Variants in PAN2 observed in about 807,000 individuals in gnomAD.
The protein encoded by PAN2 is poly(A) specific ribonuclease subunit PAN2.
A neutral mutation model predicts 133.3 loss-of-function variants in PAN2; 68 were observed. The ratio of observed to expected loss-of-function variants is 0.51; its 90% CI spans 0.42 to 0.62. The LOEUF is 0.62. Ranked by LOEUF, PAN2 falls within the 20% of genes least tolerant of loss-of-function variation. PAN2 has a pLI of 0.00. For missense variants in PAN2, 1,042 were observed against 1,500.5 expected (o/e 0.69, Z 5.05); for synonymous variants, 462 against 544.6 (o/e 0.85, Z 2.11).
chr12:56,331,081 T>C (rs773574446), intron 2 of PAN2, among the ~76,000 whole-genome samples: 22 of 152,200 alleles, frequency 1.4e-4, no homozygotes, highest in Non-Finnish European at 1.8e-4. Flanking sequence ...ATTACAGGTG[T>C]GAGTCACCAT....
At chr12:56,331,092 GC>G (rs1875787110) in intron 2 of PAN2, among the ~76,000 whole-genome samples, 1 of 152,102 alleles carries the variant, frequency 6.6e-6, no homozygotes, top group Non-Finnish European at 1.5e-5. Context: ...GAGTCACCAT[GC>G]CCAGCCAGCA....
In PAN2 at chr12:56,332,845, G is replaced by A; in HGVS notation, c.250C>T (p.His84Tyr). The change falls in exon 2 of 26, where the codon CAC becomes TAC. Residue 84 changes from histidine to tyrosine, a missense_variant. Physicochemically the swap from His to Tyr is moderately conservative, Grantham distance 83. Around this residue, in one of 3 missense-constraint regions of PAN2, gnomAD observed 908 missense variants for 1,223.5 expected, o/e 0.74. Transcript: ENST00000440411. Reference protein sequence around the residue: ...VPVSVSHFDLHEEMLWVGSHG... With the variant: ...VPVSVSHFDLYEEMLWVGSHG... ...CTCCCCACCCACAGCATCTCCTCGT[G>A]CAAGTCAAAGTGGGAGACGGAAACA... 1 of 1,614,152 alleles carries A rather than the reference G, an allele frequency of 6.2e-7. No homozygotes were observed. The highest frequency in any genetic ancestry group is 1.7e-5 in the Admixed American group (1 of 60,024).
In PAN2 at chr12:56,323,165, A is replaced by G; in HGVS notation, c.2390T>C (p.Ile797Thr). 1.2e-6 allele frequency: 2 copies of G among 1,614,140 alleles called. No homozygotes were observed. Among genetic ancestry groups the G allele is most frequent in the Non-Finnish European group, 1.7e-6 (2 of 1,180,024 alleles). ...AAGCCAGACGTTCTTCAACTCCTCA[A>G]TGGAGGGACACACCAGCACACCCTC... ...SPEGVLVCPS[I>T]EELKNVWLPF... The change falls in exon 17 of 26, where the codon ATT (isoleucine) becomes ACT (threonine). Residue 797 changes from isoleucine to threonine, a missense_variant. Physicochemically the swap from Ile to Thr is moderately conservative, Grantham distance 89 (BLOSUM62 -1). This residue lies in a region of PAN2 where 908 missense variants were observed against 1,223.5 expected (regional missense o/e 0.74). Coordinates refer to ENST00000440411, the MANE Select transcript of PAN2 (RefSeq NM_014871.6).
Position 56,327,635 on chromosome 12 carries a change from GAA to G in PAN2, c.652-6_652-5del. ...TACGGAGGTCTCTCAGGGAAACCTA[GAA>G]AAAAAAAATTCAGTTATCTGCAAAT... On this transcript the variant is annotated splice_region_variant and splice_polypyrimidine_tract_variant and intron_variant, in intron 5 of 25. Coordinates refer to ENST00000440411, the MANE Select transcript of PAN2 (RefSeq NM_014871.6). 1 of 1,555,630 alleles carries G rather than the reference GAA, an allele frequency of 6.4e-7. No homozygotes were observed. The highest frequency in any genetic ancestry group is 8.7e-7 in the Non-Finnish European group (1 of 1,143,072).
chr12:56,327,976 A>T lies in PAN2; in HGVS notation c.651+19T>A. The stretch of plus-strand genomic sequence containing the variant: ...TGAAACAGGGCCCTGCAGTGGGAGG[A>T]GAAATGGAACTTGGCCACCTTGCCA... On this transcript the variant is annotated intron_variant, in intron 5 of 25. Transcript: ENST00000440411. 6.2e-7 allele frequency: 1 copy of T among 1,613,788 alleles called. No individual in the cohort carries two copies. Among genetic ancestry groups the T allele is most frequent in the Non-Finnish European group, 8.5e-7 (1 of 1,179,860 alleles).
chr12:56,322,179 GA>G lies in PAN2; in HGVS notation c.2698-12del. On this transcript the variant is annotated splice_polypyrimidine_tract_variant and intron_variant, in intron 19 of 25. Transcript: ENST00000440411. ...CTGCACAGCTTCATGCTATAGAAGA[GA>G]AAAAGCACTTATGGCTAATGTATAT... is the stretch of plus-strand genomic sequence containing the variant. 6.5e-7 allele frequency: 1 copy of G among 1,540,122 alleles called. No individual in the cohort carries two copies.
At chr12:56,320,359 C>A (rs1874343852) in intron 20 of PAN2, among the ~76,000 whole-genome samples, 1 of 152,168 alleles carries the variant, frequency 6.6e-6, no homozygotes, top group Non-Finnish European at 1.5e-5. Context: ...AGCTCATAGC[C>A]AGGCGCGGTG....
Position 56,325,108 on chromosome 12 carries a change from C to T in PAN2, c.1500G>A (p.Lys500=). The T allele has an allele frequency of 6.2e-7, 1 of 1,613,910 alleles. No homozygotes were observed. Among genetic ancestry groups the T allele is most frequent in the Non-Finnish European group, 8.5e-7 (1 of 1,179,842 alleles). ...KYRKVTIKYS[K]LGLEDFDFKH... is the part of the protein sequence containing the mutation. ...TGAAGTCAAAGTCCTCCAGCCCTAG[C>T]TTGGAATATTTGATGGTCACCTAAG... The change falls in exon 10 of 26, where the codon AAG becomes AAA. Residue 500 remains lysine (K), a synonymous_variant. Transcript: ENST00000440411.
chr12:56,321,055 ACT>A lies in PAN2; in HGVS notation c.2788+1021_2788+1022del, dbSNP rs1360334050. Among the ~76,000 whole-genome samples, 9 of 137,058 alleles carry A rather than the reference ACT, an allele frequency of 6.6e-5. No homozygotes were observed. The East Asian group carries it at 1.5e-3, about 24-fold the overall frequency. 89.9% of individuals were successfully genotyped at this position (137,058 alleles called of 152,430 possible). On this transcript the variant is annotated intron_variant, in intron 20 of 25. Transcript: ENST00000440411. ...CTCCAGCCTGGGTGACAAGAGTGAA[ACT>A]CTGTCCAAAAAAAAAAAAAAAAGCA... is the stretch of plus-strand genomic sequence containing the variant.
intron 2 of PAN2, among the ~76,000 whole-genome samples, chr12:56,330,262 T>A (rs1875624638): frequency 6.6e-6 from 1 of 151,820 alleles, no homozygotes. Flanking sequence ...GGAAAAAAGA[T>A]TAAAATTAAA....
In PAN2 at chr12:56,332,783, T is replaced by C. The variant is rs1876064630; in HGVS notation, c.282+30A>G. ...ACCAGATAAAGACCTTCAACATCTT[T>C]CAACCCTCACAAAGGGGTACAGTTC... On this transcript the variant is annotated intron_variant, in intron 2 of 25. Transcript: ENST00000440411. 3.1e-6 allele frequency: 5 copies of C among 1,605,294 alleles called. No homozygotes were observed. The African/African-American group carries it at 5.3e-5, about 17-fold the overall frequency.
chr12:56,323,199 C>T lies in PAN2; in HGVS notation c.2356G>A (p.Gly786Arg). Residue 786 changes from glycine to arginine, a missense_variant, in exon 17 of 26, where the codon GGG becomes AGG. This residue lies in a region of PAN2 where 908 missense variants were observed against 1,223.5 expected (regional missense o/e 0.74). Transcript: ENST00000440411. Reference protein sequence around the residue: ...EFALADWKELGSPEGVLVCPS... With the variant: ...EFALADWKELRSPEGVLVCPS... ...CACACCAGCACACCCTCTGGACTCC[C>T]TAGTTCCTTCCTATCAGGTCAGAAG... The T allele has an allele frequency of 3.1e-6, 5 of 1,614,050 alleles. No homozygotes were observed. The highest frequency in any genetic ancestry group is 4.2e-6 in the Non-Finnish European group (5 of 1,180,006).
At position 56,326,321 on chromosome 12, in the gene PAN2, G is replaced by A. The variant is rs370516391; in HGVS notation, c.1351C>T (p.Arg451Cys). 5.0e-6 allele frequency: 8 copies of A among 1,597,998 alleles called. No individual in the cohort carries two copies. The highest frequency in any genetic ancestry group is 4.5e-5 in the South Asian group (4 of 89,864). Residue 451 changes from arginine to cysteine, a missense_variant, in exon 8 of 26, where the codon CGC becomes TGC. Arg to Cys is a radical substitution (Grantham distance 180, BLOSUM62 -3). Coordinates refer to ENST00000440411, the MANE Select transcript of PAN2 (RefSeq NM_014871.6). ...GYAPNPRTRL[R>C]NQIPYRLKES... ...CTCCACTCTGAACACACCTGATTGC[G>A]CAGCCTGGTGCGGGGATTGGGCGCA...
In PAN2 at chr12:56,319,126, C is replaced by T. The variant is rs1353599427; in HGVS notation, c.3326G>A (p.Arg1109Gln). The T allele has an allele frequency of 6.2e-7, 1 of 1,614,078 alleles. No individual in the cohort carries two copies. The highest frequency in any genetic ancestry group is 8.5e-7 in the Non-Finnish European group (1 of 1,180,030). ...TVYLFHMPRK[R>Q]MISLRFLAWY... ...AGCAAGGAATCGCAGGGAAATCATT[C>T]GTTTTCGGGGCATATGGAACAGGTA... Residue 1109 changes from arginine to glutamine, a missense_variant, in exon 24 of 26, where the codon CGA becomes CAA. Physicochemically the swap from Arg to Gln is conservative, Grantham distance 43. Around this residue, in one of 3 missense-constraint regions of PAN2, gnomAD observed 85 missense variants for 116.5 expected, o/e 0.73. Coordinates refer to ENST00000440411, the MANE Select transcript of PAN2 (RefSeq NM_014871.6). This position sits in a 1 kb window ranked among gnomAD's most constrained non-coding sequence, Gnocchi z 5.4.
chr12:56,328,785 G>A (rs1357939324), intron 2 of PAN2, 144 bp from the exon 3 acceptor site: 1 of 612,660 alleles, frequency 1.6e-6, no homozygotes, highest in Non-Finnish European at 2.9e-6. Context: ...AAAAGGCTAG[G>A]AACCAGTCAA....
At position 56,328,625 on chromosome 12, in the gene PAN2, A is replaced by C; in HGVS notation, c.299T>G (p.Phe100Cys). 6.2e-7 allele frequency: 1 copy of C among 1,614,154 alleles called. No individual in the cohort carries two copies. The highest frequency in any genetic ancestry group is 8.5e-7 in the Non-Finnish European group (1 of 1,179,996). Residue 100 changes from phenylalanine (F) to cysteine (C), a missense_variant, in exon 3 of 26, where the codon TTT (phenylalanine) becomes TGT (cysteine). This residue lies in a region of PAN2 where 908 missense variants were observed against 1,223.5 expected (regional missense o/e 0.74). Coordinates refer to ENST00000440411, the MANE Select transcript of PAN2 (RefSeq NM_014871.6). ...GTAGCGCTCCAAGGCTGGGCCAAAAAATGAAGTGGCATGGCCCTATAGAGG... is the reference window on the plus strand; with the variant it reads ...GTAGCGCTCCAAGGCTGGGCCAAAACATGAAGTGGCATGGCCCTATAGAGG... ...VGSHGGHATS[F>C]FGPALERYSS...
At position 56,317,260 on chromosome 12, in the gene PAN2, T is replaced by C. The variant is rs1874027288; in HGVS notation, c.*349A>G. 1 of 291,370 alleles carries C rather than the reference T, an allele frequency of 3.4e-6. No homozygotes were observed. Among genetic ancestry groups the C allele is most frequent in the African/African-American group, 2.2e-5 (1 of 45,632 alleles). The allele number at this position is 291,370 out of a possible 1,614,324, so 18.0% of individuals were successfully genotyped here. On this transcript the variant is annotated 3_prime_UTR_variant, in exon 26 of 26. Coordinates refer to ENST00000440411, the MANE Select transcript of PAN2 (RefSeq NM_014871.6). Reference sequence around the variant, plus strand: ...CCTCTGTCACTGTCCAGGACTTCAATCCCTAGCCAGCTAGGAACTTACAGT... The same window carrying C: ...CCTCTGTCACTGTCCAGGACTTCAACCCCTAGCCAGCTAGGAACTTACAGT...
In PAN2 at chr12:56,324,205, T is replaced by TA. The variant is rs755384834; in HGVS notation, c.1929-21dup. ...AAGCTGCTAAGAGTGGAGAGGATGA[T>TA]ATATGCACATTGAGGAAGTTAGGAG... is the stretch of plus-strand genomic sequence containing the variant. On this transcript the variant is annotated intron_variant, in intron 12 of 25. Coordinates refer to ENST00000440411, the MANE Select transcript of PAN2 (RefSeq NM_014871.6). 2 of 1,613,090 alleles carry TA rather than the reference T, an allele frequency of 1.2e-6. No homozygotes were observed. The highest frequency in any genetic ancestry group is 1.7e-6 in the Non-Finnish European group (2 of 1,179,690).
Position 56,323,140 on chromosome 12 carries a change from A to AGAAAGGAGG in PAN2, c.2414_2415insCCTCCTTTC (p.Leu805_Pro806insLeuLeuSer). The AGAAAGGAGG allele has an allele frequency of 6.2e-7, 1 of 1,614,174 alleles. No individual in the cohort carries two copies. Among genetic ancestry groups the AGAAAGGAGG allele is most frequent in the Admixed American group, 1.7e-5 (1 of 60,026 alleles). ...TCATCTTCATGCGAATGGAGAAAGG[A>AGAAAGGAGG]AGCCAGACGTTCTTCAACTCCTCAA... is the stretch of plus-strand genomic sequence containing the variant. On this transcript the variant is annotated inframe_insertion, in exon 17 of 26. Coordinates refer to ENST00000440411, the MANE Select transcript of PAN2 (RefSeq NM_014871.6).
Sources: gnomAD v4.1 joint callset for allele counts (sites outside exome capture counted in the v4.1 genomes callset) on GRCh38, gnomAD v4.1.1 for gene constraint, gnomAD v4.1.1 regional missense constraint, Gnocchi (gnomAD v3.1) non-coding constraint, MANE v1.5 for transcripts, NCBI Gene and HGNC (gene_info 2026-07-23, HGNC 2026-07-21) for gene names.